The following NCKAP5 variants were observed in gnomAD, a reference collection of about 807,000 sequenced individuals.
The protein encoded by NCKAP5 is nck-associated protein 5.
In NCKAP5, 92 loss-of-function variants were observed where a neutral mutation model predicts 167.0. That is an observed-to-expected ratio of 0.55 (90% CI 0.47 to 0.66). NCKAP5 has a LOEUF of 0.66. NCKAP5 is among the 30% of genes least tolerant of loss of function. The pLI, the probability that NCKAP5 is intolerant of heterozygous loss-of-function variation, is 0.00. For missense variants in NCKAP5, 2,378 were observed against 2,315.0 expected, an observed-to-expected ratio of 1.03 and a Z score of -0.56; for synonymous variants, 891 against 877.4, an observed-to-expected ratio of 1.02 and a Z score of -0.27.
In NCKAP5 at chr2:132,784,911, C is replaced by A; in HGVS notation, c.1900G>T (p.Glu634Ter). 1 of 1,574,464 alleles carries A rather than the reference C, an allele frequency of 6.4e-7. No homozygotes were observed. Among genetic ancestry groups the A allele is most frequent in the Non-Finnish European group, 8.6e-7 (1 of 1,161,354 alleles). The change falls in exon 14 of 20, where the codon GAG becomes TAG. Residue 634 changes from glutamate (E) to a stop codon, truncating the protein, a stop_gained. Coordinates refer to ENST00000409261, the MANE Select transcript of NCKAP5 (RefSeq NM_207363.3). LOFTEE classifies it high-confidence loss of function. ...GAAGGGATGGGCACTTGTTTTTCCT[C>A]CTCTTCAGGAGACCCACATAGAGAT... ...GKSLCGSPEEEEKQVPIPSET... is the reference protein window; with the variant it reads ...GKSLCGSPEE
At chr2:133,384,269 A>C (rs946678110) in intron 3 of NCKAP5, among the ~76,000 whole-genome samples, 4 of 152,318 alleles carry the variant, frequency 2.6e-5, no homozygotes, top group Admixed American at 2.0e-4. Flanking sequence ...TCAGCTTTCT[A>C]CATATGGCTA....
chr2:133,469,067 T>C (rs1166041034), intron 3 of NCKAP5, among the ~76,000 whole-genome samples: 4 of 152,238 alleles, frequency 2.6e-5, no homozygotes, highest in African/African-American at 9.6e-5. Context: ...TGTTAGCTGG[T>C]GATTTTGCTC....
intron 3 of NCKAP5, among the ~76,000 whole-genome samples, chr2:133,342,013 A>C (rs2150770500): frequency 6.6e-6 from 1 of 152,072 alleles, no homozygotes; most frequent in East Asian, 1.9e-4. Flanking sequence ...ATCTCGACTT[A>C]CTGCAAGCTC....
At chr2:132,741,551 T>C (rs866477781) in intron 16 of NCKAP5, among the ~76,000 whole-genome samples, 2 of 152,196 alleles carry the variant, frequency 1.3e-5, no homozygotes, top group South Asian at 2.1e-4. Flanking sequence ...TCCTTGTTTA[T>C]AAGAGTAGGA....
chr2:133,216,268 A>AT (rs552450696), intron 4 of NCKAP5, among the ~76,000 whole-genome samples: 32 of 151,626 alleles, frequency 2.1e-4, no homozygotes, highest in Middle Eastern at 3.4e-3. Context: ...AAATAATTGG[A>AT]TTTTTTTTTC....
At chr2:133,474,155 T>TCTAC (rs1553649110) in intron 3 of NCKAP5, among the ~76,000 whole-genome samples, 1 of 142,566 alleles carries the variant, frequency 7.0e-6, no homozygotes, top group Non-Finnish European at 1.5e-5. Context: ...TATCTATCTA[T>TCTAC]ACACACACAC....
intron 3 of NCKAP5, among the ~76,000 whole-genome samples, chr2:133,444,411 T>G (rs990655183): frequency 6.6e-6 from 1 of 151,104 alleles, no homozygotes. Context: ...TAGATAGATA[T>G]AGATATAGAT....
chr2:132,918,265 G>GTT (rs1265475111), intron 8 of NCKAP5, among the ~76,000 whole-genome samples: 2 of 152,024 alleles, frequency 1.3e-5, no homozygotes, highest in Admixed American at 6.6e-5. Context: ...GGAAAGGCTG[G>GTT]TTTTTTTCTG....
At chr2:133,537,591 G>A (rs11903204) in intron 2 of NCKAP5, among the ~76,000 whole-genome samples, 13,205 of 151,920 alleles carry the variant, frequency 0.087, 945 homozygotes, top group African/African-American at 0.2. Flanking sequence ...TTACAGTTTG[G>A]ATTGTTTATT....
intron 5 of NCKAP5, among the ~76,000 whole-genome samples, chr2:133,206,355 A>G (rs368955129): frequency 1.1e-4 from 17 of 152,324 alleles, no homozygotes; most frequent in African/African-American, 3.4e-4. Context: ...GATTTCATGG[A>G]CATTTATCAG....
chr2:132,834,676 A>G (rs1159850306), intron 11 of NCKAP5, among the ~76,000 whole-genome samples: 1 of 152,058 alleles, frequency 6.6e-6, no homozygotes, highest in African/African-American at 2.4e-5. Context: ...TTTTGTAGAG[A>G]CAAGGTCTTG....
chr2:133,146,201 T>C (rs538090649), intron 5 of NCKAP5, among the ~76,000 whole-genome samples: 3 of 144,988 alleles, frequency 2.1e-5, no homozygotes, highest in African/African-American at 7.8e-5. Context: ...GGAGGGAACA[T>C]CTAGATTAGA....
chr2:132,794,824 A>G (rs1298366377), intron 12 of NCKAP5, among the ~76,000 whole-genome samples: 1 of 152,160 alleles, frequency 6.6e-6, no homozygotes, highest in East Asian at 1.9e-4. Context: ...AATAGCCAAA[A>G]GTGGATGGAC....
At position 133,081,097 on chromosome 2, in the gene NCKAP5, A is replaced by G. The variant is rs372948363; in HGVS notation, c.341+48881T>C. 4.6e-5 allele frequency among the ~76,000 whole-genome samples: 7 copies of G among 152,150 alleles called. No individual in the cohort carries two copies. In the East Asian group the frequency reaches 1.3e-3, roughly 29 times the overall value. ...GAAGCATGCTATGTGGTACAGTATG[A>G]AAGCAAAGTGTATCCATGATCTGTG... On this transcript the variant is annotated intron_variant, in intron 6 of 19. Transcript: ENST00000409261.
intron 8 of NCKAP5, among the ~76,000 whole-genome samples, chr2:132,933,112 A>G (rs1288300329): frequency 6.6e-6 from 1 of 151,980 alleles, no homozygotes; most frequent in Non-Finnish European, 1.5e-5. Context: ...TTTTTAGTAG[A>G]GACGGGGTTT....
At chr2:133,538,293 A>G (rs986717301) in intron 2 of NCKAP5, among the ~76,000 whole-genome samples, 11 of 152,214 alleles carry the variant, frequency 7.2e-5, no homozygotes, top group African/African-American at 2.4e-4. Context: ...TAGAAATATA[A>G]TATGAATTCA....
At chr2:132,827,364 A>G (rs1380587314) in intron 11 of NCKAP5, among the ~76,000 whole-genome samples, 1 of 152,072 alleles carries the variant, frequency 6.6e-6, no homozygotes, top group Non-Finnish European at 1.5e-5. Context: ...TCCTTTTTGG[A>G]GAAATGTCTA....
At chr2:133,357,154 T>A (rs1035703011) in intron 3 of NCKAP5, among the ~76,000 whole-genome samples, 1 of 152,162 alleles carries the variant, frequency 6.6e-6, no homozygotes, top group African/African-American at 2.4e-5. Context: ...CCCTCAAAAA[T>A]ATTTGATGGA....
chr2:133,100,661 C>T (rs2081482069), intron 6 of NCKAP5, among the ~76,000 whole-genome samples: 1 of 152,112 alleles, frequency 6.6e-6, no homozygotes, highest in African/African-American at 2.4e-5. Context: ...CTCATTTAAA[C>T]TCCATATAAA....
Sources: gnomAD v4.1 joint callset for allele counts (sites outside exome capture counted in the v4.1 genomes callset) on GRCh38, gnomAD v4.1.1 for gene constraint, MANE v1.5 for transcripts, NCBI Gene and HGNC (gene_info 2026-07-23, HGNC 2026-07-21) for gene names.